Variants in UBR3 observed in about 807,000 individuals in gnomAD.
UBR3 encodes the protein ubiquitin protein ligase E3 component n-recognin 3, also known as E3 ubiquitin-protein ligase UBR3.
A neutral mutation model predicts 243.2 loss-of-function variants in UBR3; 85 were observed. That is an observed-to-expected ratio of 0.35 (90% CI 0.29 to 0.42). The LOEUF (loss-of-function observed/expected upper bound fraction) is 0.42, where lower values mean the gene tolerates loss of function less well. Ranked by LOEUF, UBR3 falls within the 10% of genes least tolerant of loss-of-function variation. The pLI is 1.00. For synonymous variants in UBR3, 748 were observed against 799.8 expected, an observed-to-expected ratio of 0.94 and a Z score of 1.09; for missense variants, 1,686 against 2,300.8, an observed-to-expected ratio of 0.73 and a Z score of 5.47.
At chr2:169,955,154 TG>T (rs1382183727) in intron 23 of UBR3, among the ~76,000 whole-genome samples, 1 of 152,240 alleles carries the variant, frequency 6.6e-6, no homozygotes, top group African/African-American at 2.4e-5. Flanking sequence ...GATTTCAATT[TG>T]TTTCATCACT....
chr2:170,071,033 T>G (rs1010634541), intron 35 of UBR3, among the ~76,000 whole-genome samples: 2 of 152,198 alleles, frequency 1.3e-5, no homozygotes, highest in Non-Finnish European at 2.9e-5. Flanking sequence ...TCAACATCCT[T>G]GTTCATTAGA....
rs1297741722 is a variant in UBR3 at position 169,856,219 on chromosome 2, CCTCA to C, written c.546-16015_546-16012del. ...GGGGTCGCGGCCGGGCAGAGGCGCT[CCTCA>C]CATCCCAGATGGGGCGGCGGGGCAG... On this transcript the variant is annotated intron_variant, in intron 1 of 38. Transcript: ENST00000272793. Among the ~76,000 whole-genome samples the C allele has an allele frequency of 2.0e-5, 3 of 150,312 alleles. No homozygotes were observed. The East Asian group carries it at 5.9e-4, about 30-fold the overall frequency.
chr2:169,914,224 G>A lies in UBR3; in HGVS notation c.1866+78G>A, dbSNP rs537890597. 4.9e-4 allele frequency: 354 copies of A among 725,722 alleles called. 1 individual carries two copies. The East Asian group carries it at 0.011, about 22-fold the overall frequency. The allele number at this position is 725,722 out of a possible 1,614,324, so 45.0% of individuals were successfully genotyped here. On this transcript the variant is annotated intron_variant, in intron 11 of 38. Transcript: ENST00000272793. ...AGAAAAGTGTTAGATTTCATTTAATGTTGAAAATAATGAATACTTTTTCAT... is the reference window on the plus strand; with the variant it reads ...AGAAAAGTGTTAGATTTCATTTAATATTGAAAATAATGAATACTTTTTCAT...
rs2091453545 is a variant in UBR3 at position 170,061,398 on chromosome 2, C to T, written c.4974C>T (p.Ser1658=). The change falls in exon 35 of 39, where the codon AGC becomes AGT. Residue 1658 remains serine, a synonymous_variant. Transcript: ENST00000272793. ...GCTTACCTTTTCTCAGAATCACCAG[C>T]CTTCTTCAGCACCACCTTTTTGGGG... is the stretch of plus-strand genomic sequence containing the variant. ...DFCLPFLRIT[S]LLQHHLFGED... is the part of the protein sequence containing the mutation. 2 of 1,614,018 alleles carry T rather than the reference C, an allele frequency of 1.2e-6. No individual in the cohort carries two copies. The highest frequency in any genetic ancestry group is 1.7e-6 in the Non-Finnish European group (2 of 1,180,010).
At chr2:169,890,555 A>ATAT (rs1574134205) in intron 5 of UBR3, among the ~76,000 whole-genome samples, 1 of 71,442 alleles carries the variant, frequency 1.4e-5, no homozygotes, top group Non-Finnish European at 2.6e-5. Flanking sequence ...ATATATATAT[A>ATAT]TATATATATG....
chr2:169,962,072 C>G (rs2087601458), intron 24 of UBR3, among the ~76,000 whole-genome samples: 1 of 151,910 alleles, frequency 6.6e-6, no homozygotes. Context: ...TTTTCTCTCT[C>G]TTGGATTACT....
chr2:169,891,544 A>G (rs1293109070), intron 6 of UBR3, among the ~76,000 whole-genome samples: 1 of 151,816 alleles, frequency 6.6e-6, no homozygotes, highest in East Asian at 1.9e-4. Context: ...AGTTCCTTTT[A>G]TAATCTGGGG....
intron 1 of UBR3, among the ~76,000 whole-genome samples, chr2:169,829,528 A>G (rs539837918): frequency 1.3e-4 from 20 of 149,746 alleles, no homozygotes; most frequent in South Asian, 1.3e-3. Context: ...GGTTCAAGCG[A>G]TTCTCCTGCC....
chr2:169,947,564 G>T lies in UBR3; in HGVS notation c.2933G>T (p.Arg978Leu). 6.6e-7 allele frequency: 1 copy of T among 1,506,352 alleles called. No individual in the cohort carries two copies. Among genetic ancestry groups the T allele is most frequent in the Non-Finnish European group, 8.9e-7 (1 of 1,126,992 alleles). The allele number at this position is 1,506,352 out of a possible 1,614,324, so 93.3% of individuals were successfully genotyped here. A position where few individuals can be genotyped will look rare whatever the true frequency, so the allele number is the denominator to read the frequency against. The change falls in exon 22 of 39, where the codon CGT becomes CTT. Residue 978 changes from arginine to leucine, a missense_variant. Physicochemically the swap from Arg to Leu is moderately radical, Grantham distance 102. Around this residue, in one of 8 missense-constraint regions of UBR3, gnomAD observed 300 missense variants for 314.4 expected, o/e 0.95. Transcript: ENST00000272793. Reference protein sequence around the residue: ...DEEASVGGPERCHDSWFPGSN... With the variant: ...DEEASVGGPELCHDSWFPGSN... The stretch of plus-strand genomic sequence containing the variant: ...TAGGCATCAGTGGGTGGACCAGAAC[G>T]TTGTCATGACAGTTGGTTTCCTGGC...
chr2:169,982,067 G>A (rs1228712703), intron 24 of UBR3, among the ~76,000 whole-genome samples: 1 of 152,142 alleles, frequency 6.6e-6, no homozygotes, highest in Non-Finnish European at 1.5e-5. Context: ...TTAGTAGCAA[G>A]TACTTCTCAG....
At chr2:170,060,432 A>G (rs1458362836) in intron 33 of UBR3, among the ~76,000 whole-genome samples, 3 of 151,954 alleles carry the variant, frequency 2.0e-5, no homozygotes, top group Admixed American at 1.3e-4. Context: ...TTTTATTTTT[A>G]TAGTGTATTA....
chr2:170,078,026 T>C, intron 36 of UBR3: 6 of 685,672 alleles, frequency 8.8e-6, no homozygotes, highest in Non-Finnish European at 1.4e-5. Context: ...TGTCCCTCTC[T>C]GTCCAGCAGA....
intron 9 of UBR3, 24 bp downstream of exon 9, chr2:169,905,317 A>G (rs1437861938): frequency 4.2e-6 from 6 of 1,439,822 alleles, no homozygotes; most frequent in Non-Finnish European, 5.5e-6. Context: ...CCCTTTGTTA[A>G]TTTTTTGGTT....
intron 5 of UBR3, among the ~76,000 whole-genome samples, chr2:169,887,633 C>T (rs1009768308): frequency 2.6e-5 from 4 of 152,148 alleles, no homozygotes. Flanking sequence ...TGTTTATTAA[C>T]TTAAAACTAC....
intron 11 of UBR3, among the ~76,000 whole-genome samples, chr2:169,916,617 T>G (rs28594668): frequency 0.27 from 40,790 of 152,016 alleles, 5,678 homozygotes; most frequent in East Asian, 0.42. Flanking sequence ...CTCTGATGCC[T>G]CCTGCTCTTT....
rs1553504516 is a variant in UBR3 at position 169,890,563 on chromosome 2, A to ATGTGTGTG, written c.1039-597_1039-596insGTGTGTGT. ...GAGATATATATATATATATATATAT[A>ATGTGTGTG]TGTGTATATATATATATGTATATAT... is the stretch of plus-strand genomic sequence containing the variant. On this transcript the variant is annotated intron_variant, in intron 5 of 38. Coordinates refer to ENST00000272793, the MANE Select transcript of UBR3 (RefSeq NM_172070.4). Among the ~76,000 whole-genome samples, 2 of 83,924 alleles carry ATGTGTGTG rather than the reference A, an allele frequency of 2.4e-5. 1 individual carries two copies. Among genetic ancestry groups the ATGTGTGTG allele is most frequent in the Non-Finnish European group, 4.7e-5 (2 of 42,254 alleles). 55.1% of individuals were successfully genotyped at this position (83,924 alleles called of 152,430 possible). A position where few individuals can be genotyped will look rare whatever the true frequency, so the allele number is the denominator to read the frequency against.
intron 29 of UBR3, chr2:170,014,459 T>C (rs1320587986): frequency 6.6e-6 from 1 of 151,922 alleles, no homozygotes; most frequent in Non-Finnish European, 1.5e-5. Flanking sequence ...AGTGTATTCA[T>C]ACTGTTGAAG....
rs200791112 is a variant in UBR3, at chr2:170,078,171, TTTTC to T, written c.5200-1639_5200-1636del. 4.4e-3 allele frequency: 2,450 copies of T among 556,950 alleles called. 53 individuals carry two copies. The highest frequency in any genetic ancestry group is 0.038 in the African/African-American group (1,894 of 50,430). 34.5% of individuals were successfully genotyped at this position (556,950 alleles called of 1,614,324 possible). On this transcript the variant is annotated intron_variant, in intron 36 of 38. Coordinates refer to ENST00000272793, the MANE Select transcript of UBR3 (RefSeq NM_172070.4). ...TAAAGCTTAGCCTTCAGACCAATCA[TTTTC>T]TTTGACTTCTTTGAATGTTCATAAG...
chr2:169,959,077 CCTGA>C (rs750550801), intron 24 of UBR3, among the ~76,000 whole-genome samples: 7 of 152,078 alleles, frequency 4.6e-5, no homozygotes, highest in African/African-American at 9.7e-5. Flanking sequence ...TATTCCCTTC[CCTGA>C]CTATTTCTTC....
Sources: gnomAD v4.1 joint callset for allele counts (sites outside exome capture counted in the v4.1 genomes callset) on GRCh38, gnomAD v4.1.1 for gene constraint, gnomAD v4.1.1 regional missense constraint, MANE v1.5 for transcripts, NCBI Gene and HGNC (gene_info 2026-07-23, HGNC 2026-07-21) for gene names.